RNF170: variants seen among roughly 807,000 people sequenced by gnomAD.
The protein encoded by RNF170 is ring finger protein 170.
A neutral mutation model predicts 32.7 loss-of-function variants in RNF170; 12 were observed. The observed-to-expected ratio is 0.37, with a 90% CI of 0.24 to 0.60. RNF170 has a LOEUF of 0.60. Among genes scored for constraint, RNF170 ranks in the 20% least tolerant of loss-of-function variants. The probability of loss-of-function intolerance (pLI) is 0.72; values close to 1 mark genes in which losing one functional copy is unlikely to be tolerated. For missense variants in RNF170, 212 were observed against 311.2 expected, an observed-to-expected ratio of 0.68 and a Z score of 2.40; for synonymous variants, 91 against 103.6, an observed-to-expected ratio of 0.88 and a Z score of 0.74.
intron 3 of RNF170, among the ~76,000 whole-genome samples, chr8:42,871,350 C>T (rs1752022985): frequency 6.6e-6 from 1 of 152,074 alleles, no homozygotes; most frequent in Non-Finnish European, 1.5e-5. Flanking sequence ...ATTAAGTTTA[C>T]TAAATAGGAA....
chr8:42,877,745 G>A (rs568813703), intron 2 of RNF170, among the ~76,000 whole-genome samples: 70 of 151,966 alleles, frequency 4.6e-4, no homozygotes, highest in African/African-American at 1.6e-3. Context: ...TAAGACAAAA[G>A]CACAGGCCAA....
chr8:42,864,690 G>A (rs1229360867), intron 5 of RNF170, among the ~76,000 whole-genome samples: 3 of 151,396 alleles, frequency 2.0e-5, no homozygotes, highest in African/African-American at 7.3e-5. Context: ...ATGTGGCCAT[G>A]TCTCTAAAAG....
intron 6 of RNF170, among the ~76,000 whole-genome samples, chr8:42,859,529 A>T (rs1034982815): frequency 1.3e-5 from 2 of 152,134 alleles, no homozygotes; most frequent in African/African-American, 2.4e-5. Context: ...TGGGAGGCTG[A>T]GGCGGCAGGA....
chr8:42,878,072 TCAAC>T (rs1805093468), intron 2 of RNF170, among the ~76,000 whole-genome samples: 1 of 149,898 alleles, frequency 6.7e-6, no homozygotes, highest in African/African-American at 2.5e-5. Flanking sequence ...AATCAATCAA[TCAAC>T]GTTGTGTATG....
At position 42,854,607 on chromosome 8, in the gene RNF170, T is replaced by C; in HGVS notation, c.*1552A>G. On this transcript the variant is annotated 3_prime_UTR_variant, in exon 7 of 7. Transcript: ENST00000527424. ...ACATATTGATATTTCATTCAGAATC[T>C]CATTAATTGGTAGCTGATCTGATTA... is the stretch of plus-strand genomic sequence containing the variant. 4 of 1,287,182 alleles carry C rather than the reference T, an allele frequency of 3.1e-6. No homozygotes were observed. Among genetic ancestry groups the C allele is most frequent in the Non-Finnish European group, 4.0e-6 (4 of 988,634 alleles). 79.7% of individuals were successfully genotyped at this position (1,287,182 alleles called of 1,614,324 possible).
intron 4 of RNF170, 125 bp downstream of exon 4, chr8:42,869,879 A>AG (rs1804395512): frequency 2.8e-6 from 2 of 720,600 alleles, no homozygotes; most frequent in Non-Finnish European, 5.1e-6. Context: ...AGGATATCAG[A>AG]GGTAATCTAC....
chr8:42,890,346 C>T (rs1319849199), intron 1 of RNF170, among the ~76,000 whole-genome samples: 1 of 150,544 alleles, frequency 6.6e-6, no homozygotes, highest in African/African-American at 2.4e-5. Flanking sequence ...AACGCGATCT[C>T]GGCTCACTGC....
Position 42,854,788 on chromosome 8 carries a change from C to G in RNF170, c.*1371G>C. On this transcript the variant is annotated 3_prime_UTR_variant, in exon 7 of 7. Transcript: ENST00000527424. Reference sequence around the variant, plus strand: ...CCCTCACATCCTGCTGTCATACATTCACTAATGAGCAACGCCAGCTGAAGT... The same window carrying G: ...CCCTCACATCCTGCTGTCATACATTGACTAATGAGCAACGCCAGCTGAAGT... 1 of 1,287,414 alleles carries G rather than the reference C, an allele frequency of 7.8e-7. No homozygotes were observed. Among genetic ancestry groups the G allele is most frequent in the South Asian group, 1.2e-5 (1 of 80,942 alleles). 79.7% of individuals were successfully genotyped at this position (1,287,414 alleles called of 1,614,324 possible). A position where few individuals can be genotyped will look rare whatever the true frequency, so the allele number is the denominator to read the frequency against.
chr8:42,850,706 G>T, downstream of RNF170: 3 of 1,510,250 alleles, frequency 2.0e-6, no homozygotes, highest in South Asian at 2.4e-5. Context: ...AGTGCCCTGG[G>T]GTAAGGGGAG....
chr8:42,864,130 A>G (rs1243442375), intron 5 of RNF170, among the ~76,000 whole-genome samples: 4 of 149,194 alleles, frequency 2.7e-5, no homozygotes, highest in Non-Finnish European at 1.5e-5. Flanking sequence ...ATCTCGTTCT[A>G]TTGCCCAAGC....
At chr8:42,877,133 A>C (rs1297941799) in intron 2 of RNF170, among the ~76,000 whole-genome samples, 2 of 150,310 alleles carry the variant, frequency 1.3e-5, no homozygotes, top group African/African-American at 4.9e-5. Flanking sequence ...TCACTGTGTT[A>C]GCCAGGATGG....
At chr8:42,894,072 T>G (rs1202435330) in intron 1 of RNF170, among the ~76,000 whole-genome samples, 2 of 152,216 alleles carry the variant, frequency 1.3e-5, no homozygotes, top group African/African-American at 4.8e-5. Flanking sequence ...CAGTGTCTTT[T>G]TACCCCAAGG....
At chr8:42,870,350 C>A (rs181243328) in intron 3 of RNF170, among the ~76,000 whole-genome samples, 13 of 152,284 alleles carry the variant, frequency 8.5e-5, no homozygotes, top group Middle Eastern at 6.8e-3. Flanking sequence ...CTTAGATTAA[C>A]TCAAGAGTTC....
intron 4 of RNF170, among the ~76,000 whole-genome samples, chr8:42,867,080 A>C (rs932949325): frequency 1.3e-5 from 2 of 152,224 alleles, no homozygotes; most frequent in African/African-American, 4.8e-5. Flanking sequence ...AAGTGTTCAG[A>C]ATGCAGGACA....
downstream of RNF170, chr8:42,850,612 T>C (rs1263591085): frequency 2.0e-5 from 15 of 735,098 alleles, no homozygotes; most frequent in Non-Finnish European, 2.9e-5. Context: ...TCTGTTTTCA[T>C]AGAGCTTGTG....
At position 42,870,079 on chromosome 8, in the gene RNF170, T is replaced by TG; in HGVS notation, c.246dup (p.Thr83HisfsTer2). On this transcript the variant is annotated frameshift_variant, in exon 4 of 7. Coordinates refer to ENST00000527424, the MANE Select transcript of RNF170 (RefSeq NM_030954.4). LOFTEE classifies it high-confidence loss of function. ...AGGCAGATGGGACAGTACATGTCAG[T>TG]GTAGAACTGCTGTCGAGTGGCAGCA... is the stretch of plus-strand genomic sequence containing the variant. The TG allele has an allele frequency of 6.2e-7, 1 of 1,614,074 alleles. No individual in the cohort carries two copies. The highest frequency in any genetic ancestry group is 2.2e-5 in the East Asian group (1 of 44,876).
chr8:42,879,614 G>A (rs955275244), intron 2 of RNF170, among the ~76,000 whole-genome samples: 7 of 152,048 alleles, frequency 4.6e-5, no homozygotes, highest in African/African-American at 1.7e-4. Context: ...TCATGCTACT[G>A]CACTCCAGCC....
intron 6 of RNF170, among the ~76,000 whole-genome samples, chr8:42,859,865 G>T (rs1413347826): frequency 2.0e-5 from 3 of 152,056 alleles, no homozygotes; most frequent in East Asian, 1.9e-4. Context: ...GCCCAGGCTG[G>T]TCTCAAACTC....
At chr8:42,863,342 C>A (rs1420908336) in intron 5 of RNF170, among the ~76,000 whole-genome samples, 1 of 151,982 alleles carries the variant, frequency 6.6e-6, no homozygotes, top group Admixed American at 6.6e-5. Flanking sequence ...GAGGGAGGGC[C>A]TGGAACTATT....
Sources: allele counts gnomAD v4.1 joint callset (sites outside exome capture counted in the v4.1 genomes callset), GRCh38; gene constraint gnomAD v4.1.1; transcripts MANE v1.5; gene names NCBI Gene and HGNC (gene_info 2026-07-23, HGNC 2026-07-21).